Variants in AQR observed in about 807,000 individuals in gnomAD.
The protein encoded by AQR is RNA helicase aquarius.
A neutral mutation model predicts 180.5 loss-of-function variants in AQR; 61 were observed. That is an observed-to-expected ratio of 0.34 (90% confidence interval 0.28 to 0.42). The LOEUF (loss-of-function observed/expected upper bound fraction) is 0.42. Among genes scored for constraint, AQR ranks in the 10% least tolerant of loss-of-function variants. The probability of loss-of-function intolerance (pLI) is 1.00; values close to 1 mark genes in which losing one functional copy is unlikely to be tolerated. For missense variants in AQR, 1,281 were observed against 1,798.3 expected (o/e 0.71, Z 5.20); for synonymous variants, 551 against 588.8 (o/e 0.94, Z 0.93).
rs560642086 is a variant in AQR at position 34,857,122 on chromosome 15, A to C, written c.4144-16T>G. ...GTAATAAAGTCTAATTAAAAAAAAA[A>C]AAACAAAGACAATACCAATATGAAA... On this transcript the variant is annotated splice_polypyrimidine_tract_variant and intron_variant, in intron 34 of 34. Coordinates refer to ENST00000156471, the MANE Select transcript of AQR (RefSeq NM_014691.3). 635 of 1,536,328 alleles carry C rather than the reference A, an allele frequency of 4.1e-4. 10 individuals carry two copies. In the South Asian group the frequency reaches 7.3e-3, roughly 18 times the overall value.
At chr15:34,946,874 C>G (rs1037495527) in intron 5 of AQR, among the ~76,000 whole-genome samples, 1 of 145,214 alleles carries the variant, frequency 6.9e-6, no homozygotes, top group Non-Finnish European at 1.5e-5. Context: ...CCGCCCCGTC[C>G]GGGAGGGAGG....
At chr15:34,933,047 A>G (rs1893890312) in intron 10 of AQR, among the ~76,000 whole-genome samples, 1 of 152,228 alleles carries the variant, frequency 6.6e-6, no homozygotes, top group South Asian at 2.1e-4. Flanking sequence ...ATAAAATCCC[A>G]ATATATACCG....
rs763146665 is a variant in AQR, at chr15:34,940,937, T to A, written c.603A>T (p.Lys201Asn). Residue 201 changes from lysine (K) to asparagine (N), a missense_variant, in exon 8 of 35, where the codon AAA becomes AAT. Lys to Asn is a moderately conservative substitution (Grantham distance 94). Around this residue, in one of 9 missense-constraint regions of AQR, gnomAD observed 404 missense variants for 490.9 expected, o/e 0.82. Transcript: ENST00000156471. ...PKLRKFWNLI[K>N]KNDEKMDPEA... ...CTGGATCCATCTTTTCATCATTCTT[T>A]TTAATCAAGTTCCAGAATTTTCTTA... 1.9e-6 allele frequency: 3 copies of A among 1,610,550 alleles called. No individual in the cohort carries two copies. Among genetic ancestry groups the A allele is most frequent in the Non-Finnish European group, 2.5e-6 (3 of 1,178,526 alleles).
At chr15:34,872,841 AAGAG>A (rs929793126) in intron 30 of AQR, among the ~76,000 whole-genome samples, 1 of 152,034 alleles carries the variant, frequency 6.6e-6, no homozygotes, top group Non-Finnish European at 1.5e-5. Flanking sequence ...TTTTGCTGTA[AAGAG>A]AGAGAGAAAA....
chr15:34,880,909 T>G (rs1192890290), intron 27 of AQR, among the ~76,000 whole-genome samples: 2 of 152,144 alleles, frequency 1.3e-5, no homozygotes, highest in Non-Finnish European at 2.9e-5. Context: ...TTTTGTTAAG[T>G]GGACCTACAA....
Position 34,944,444 on chromosome 15 carries a change from A to G in AQR, c.331-16T>C. On this transcript the variant is annotated splice_polypyrimidine_tract_variant and intron_variant, in intron 5 of 34. Transcript: ENST00000156471. ...TCTTAAAAATCTGAAAAGAAACAGAATAAAATTCATTTTGTATTGGCTTGC... is the reference window on the plus strand; with the variant it reads ...TCTTAAAAATCTGAAAAGAAACAGAGTAAAATTCATTTTGTATTGGCTTGC... The G allele has an allele frequency of 4.4e-6, 7 of 1,586,808 alleles. No individual in the cohort carries two copies. Among genetic ancestry groups the G allele is most frequent in the Non-Finnish European group, 5.1e-6 (6 of 1,170,854 alleles).
At position 34,890,328 on chromosome 15, in the gene AQR, G is replaced by T; in HGVS notation, c.2572-4C>A. ...TCTCAAACAACTGGTTTAGGGCCTAGACAATAAAGCAAGAAGGGTGACGGC... is the reference window on the plus strand; with the variant it reads ...TCTCAAACAACTGGTTTAGGGCCTATACAATAAAGCAAGAAGGGTGACGGC... On this transcript the variant is annotated splice_polypyrimidine_tract_variant and splice_region_variant and intron_variant, in intron 23 of 34. Transcript: ENST00000156471. 1 of 1,610,796 alleles carries T rather than the reference G, an allele frequency of 6.2e-7. No homozygotes were observed. The highest frequency in any genetic ancestry group is 1.1e-5 in the South Asian group (1 of 90,088).
chr15:34,905,419 A>T (rs1357428704), intron 18 of AQR, among the ~76,000 whole-genome samples: 1 of 152,094 alleles, frequency 6.6e-6, no homozygotes, highest in Non-Finnish European at 1.5e-5. Context: ...AGTGATACAC[A>T]TAAGAAATCA....
intron 1 of AQR, among the ~76,000 whole-genome samples, chr15:34,967,299 T>A (rs1487097133): frequency 6.6e-6 from 1 of 152,206 alleles, no homozygotes; most frequent in Non-Finnish European, 1.5e-5. Context: ...AGCTCAAATG[T>A]CACCTCGGAG....
intron 14 of AQR, 139 bp from the exon 15 acceptor site, chr15:34,918,517 C>A: frequency 1.1e-6 from 1 of 950,374 alleles, no homozygotes. Context: ...CTATTTTCTC[C>A]ATAGATCAAA....
At chr15:34,897,065 T>C (rs1893256826) in intron 21 of AQR, 99 bp from the exon 22 acceptor site, 1 of 888,876 alleles carries the variant, frequency 1.1e-6, no homozygotes, top group South Asian at 1.6e-5. Flanking sequence ...ATCTGCTCTG[T>C]ATTTACCCCA....
rs964085166 is a variant in AQR, at chr15:34,938,777, G to C, written c.678C>G (p.Ile226Met). The stretch of plus-strand genomic sequence containing the variant: ...ATTTCAGCACAGAGATAAACTTCTG[G>C]ATGAGTTGTGAAAGAAATCTCCTCT... ...YQERRFLSQL[I>M]QKFISVLKSV... The change falls in exon 9 of 35, where the codon ATC becomes ATG. Residue 226 changes from isoleucine (I) to methionine (M), a missense_variant. By Grantham distance (10) the Ile-to-Met change is conservative. Transcript: ENST00000156471. The C allele has an allele frequency of 6.2e-7, 1 of 1,609,400 alleles. No individual in the cohort carries two copies.
At chr15:34,941,067 C>T in intron 7 of AQR, 68 bp from the exon 8 acceptor site, 1 of 1,110,696 alleles carries the variant, frequency 9.0e-7, no homozygotes, top group Non-Finnish European at 1.3e-6. Context: ...ATTAGATCAA[C>T]TATTTGCTAG....
chr15:34,912,320 T>G (rs1893513122), intron 16 of AQR, among the ~76,000 whole-genome samples: 1 of 150,936 alleles, frequency 6.6e-6, no homozygotes, highest in South Asian at 2.1e-4. Context: ...TAGCATTTAT[T>G]GTAAGGCAGT....
chr15:34,933,293 T>A (rs73375044), intron 10 of AQR, among the ~76,000 whole-genome samples: 3,035 of 152,264 alleles, frequency 0.02, 114 homozygotes, highest in African/African-American at 0.07. Context: ...TAGTCCAATA[T>A]GCTAATACTC....
In AQR at chr15:34,855,217, C is replaced by T. The variant is rs1237084377; in HGVS notation, c.*1575G>A. On this transcript the variant is annotated 3_prime_UTR_variant, in exon 35 of 35. Coordinates refer to ENST00000156471, the MANE Select transcript of AQR (RefSeq NM_014691.3). ...AAATGAGAGTCTGTACCATATTCAACACAGCCTGGTAGAGCTGAGCAAACA... is the reference window on the plus strand; with the variant it reads ...AAATGAGAGTCTGTACCATATTCAATACAGCCTGGTAGAGCTGAGCAAACA... 3 of 152,222 alleles carry T rather than the reference C, an allele frequency of 2.0e-5. No homozygotes were observed. The highest frequency in any genetic ancestry group is 7.2e-5 in the African/African-American group (3 of 41,464). The allele number at this position is 152,222 out of a possible 1,614,324, so 9.4% of individuals were successfully genotyped here.
intron 17 of AQR, among the ~76,000 whole-genome samples, chr15:34,909,829 G>A (rs1368479834): frequency 1.3e-5 from 2 of 151,808 alleles, no homozygotes; most frequent in Non-Finnish European, 2.9e-5. Context: ...ATATTATTTT[G>A]CTAAATTTAA....
chr15:34,927,076 T>C lies in AQR; in HGVS notation c.1077A>G (p.Val359=). 3 of 1,598,338 alleles carry C rather than the reference T, an allele frequency of 1.9e-6. 1 individual carries two copies. In the African/African-American group the frequency reaches 4.0e-5, roughly 21 times the overall value. Residue 359 remains valine, a synonymous_variant, in exon 13 of 35, where the codon GTA becomes GTG. Transcript: ENST00000156471. Reference sequence around the variant, plus strand: ...ACTTGACCAAGGACTCCCGAGTATCTACTTCTGCCACATTTGAGAGGGCAA... The same window carrying C: ...ACTTGACCAAGGACTCCCGAGTATCCACTTCTGCCACATTTGAGAGGGCAA... ...YDFALSNVAE[V]DTRESLVKFF... is the part of the protein sequence containing the mutation.
chr15:34,961,591 T>A (rs887290645), intron 2 of AQR, among the ~76,000 whole-genome samples: 6 of 125,286 alleles, frequency 4.8e-5, no homozygotes, highest in African/African-American at 1.9e-4. Flanking sequence ...TCCAGCCTGG[T>A]GATAGAGCGA....
Sources: allele counts gnomAD v4.1 joint callset (sites outside exome capture counted in the v4.1 genomes callset), GRCh38; gene constraint gnomAD v4.1.1; regional missense constraint gnomAD v4.1.1; transcripts MANE v1.5; gene names NCBI Gene and HGNC (gene_info 2026-07-23, HGNC 2026-07-21).